SLC2A9: variants seen among roughly 807,000 people sequenced by gnomAD.
SLC2A9 encodes the protein solute carrier family 2 member 9.
SLC2A9 carries 39 observed loss-of-function variants against 50.6 expected under a neutral mutation model. The ratio of observed to expected loss-of-function variants is 0.77; its 90% confidence interval spans 0.60 to 1.01. The LOEUF (loss-of-function observed/expected upper bound fraction) is 1.01, where lower values mean the gene tolerates loss of function less well. Ranked by LOEUF, SLC2A9 falls within the 50% of genes least tolerant of loss-of-function variation. The pLI, the probability that SLC2A9 is intolerant of heterozygous loss-of-function variation, is 0.00. For synonymous variants in SLC2A9, 324 were observed against 276.9 expected (o/e 1.17, Z -1.69); for missense variants, 686 against 677.6 (o/e 1.01, Z -0.14).
chr4:9,783,461 T>C (rs1197884286), intron 3 of SLC2A9: 1 of 1,598,486 alleles, frequency 6.3e-7, no homozygotes, highest in Non-Finnish European at 8.5e-7. Context: ...TGGATTCCAT[T>C]AAACTGCATT....
At chr4:9,982,131 T>G (rs1453701516) in intron 4 of SLC2A9, among the ~76,000 whole-genome samples, 3 of 152,204 alleles carry the variant, frequency 2.0e-5, no homozygotes, top group Admixed American at 2.0e-4. Context: ...CCGCCTGCCT[T>G]GGCCTCCCAA....
At chr4:9,979,381 G>C (rs1186772354) in intron 5 of SLC2A9, among the ~76,000 whole-genome samples, 4 of 152,136 alleles carry the variant, frequency 2.6e-5, no homozygotes, top group African/African-American at 9.7e-5. Flanking sequence ...CTGTTTGTCT[G>C]TTGTGCACTG....
intron 2 of SLC2A9, among the ~76,000 whole-genome samples, chr4:10,007,199 AC>A (rs1341544787): frequency 2.0e-5 from 3 of 152,152 alleles, no homozygotes; most frequent in Admixed American, 6.5e-5. Flanking sequence ...TGACCCCAGT[AC>A]ACCTCCCTTG....
chr4:10,014,026 G>A (rs1489694997), intron 2 of SLC2A9, among the ~76,000 whole-genome samples: 2 of 152,178 alleles, frequency 1.3e-5, no homozygotes, highest in Non-Finnish European at 2.9e-5. Context: ...TCTGTTCCAA[G>A]GGTTTCTTTC....
At chr4:10,014,325 G>A (rs1166441311) in intron 2 of SLC2A9, among the ~76,000 whole-genome samples, 3 of 152,212 alleles carry the variant, frequency 2.0e-5, no homozygotes, top group Non-Finnish European at 2.9e-5. Context: ...CTTTACAGAG[G>A]CACCTACATG....
At chr4:9,831,482 T>C (rs1417989663) in intron 11 of SLC2A9, among the ~76,000 whole-genome samples, 1 of 152,188 alleles carries the variant, frequency 6.6e-6, no homozygotes, top group Non-Finnish European at 1.5e-5. Context: ...GGTGTATAAC[T>C]CTACTTGTTA....
Position 9,996,869 on chromosome 4 carries a change from A to G in SLC2A9, c.322T>C (p.Leu108=), listed in dbSNP as rs13113918. 0.79 allele frequency: 1,280,554 copies of G among 1,613,808 alleles called. 509,519 individuals carry two copies. The highest frequency in any genetic ancestry group is 0.98 in the East Asian group (44,160 of 44,866). ...GRPIDPDTLT[L]LWSVTVSIFA... The stretch of plus-strand genomic sequence containing the variant: ...ATGGACACAGTCACAGACCAGAGCA[A>G]AGTCAGAGTGTCTGGGTCTATTGGA... The change falls in exon 3 of 12, where the codon TTG becomes CTG. Residue 108 remains leucine, a synonymous_variant. Transcript: ENST00000264784.
chr4:9,923,445 G>A (rs1744301188), intron 6 of SLC2A9, among the ~76,000 whole-genome samples: 1 of 152,170 alleles, frequency 6.6e-6, no homozygotes, highest in Non-Finnish European at 1.5e-5. Context: ...GGGCTCTTGG[G>A]CATGGCTCCA....
chr4:9,865,825 C>T (rs1349437248), intron 10 of SLC2A9, among the ~76,000 whole-genome samples: 1 of 152,218 alleles, frequency 6.6e-6, no homozygotes, highest in Non-Finnish European at 1.5e-5. Flanking sequence ...TGAAGATTTG[C>T]CACAATTGGA....
chr4:9,925,791 G>A (rs1007052561), intron 6 of SLC2A9, among the ~76,000 whole-genome samples: 1 of 152,184 alleles, frequency 6.6e-6, no homozygotes, highest in Non-Finnish European at 1.5e-5. Context: ...CACAGAAGCG[G>A]GGGAGGGCTG....
chr4:9,916,880 C>T (rs1182864225), intron 7 of SLC2A9, among the ~76,000 whole-genome samples: 1 of 152,216 alleles, frequency 6.6e-6, no homozygotes, highest in Non-Finnish European at 1.5e-5. Flanking sequence ...CTCCTTTTCT[C>T]CCCCAGACAC....
intron 10 of SLC2A9, among the ~76,000 whole-genome samples, chr4:9,872,012 T>C (rs1438265471): frequency 6.6e-6 from 1 of 152,104 alleles, no homozygotes; most frequent in Non-Finnish European, 1.5e-5. Flanking sequence ...TATGTGGAAA[T>C]GCTGTCCCTA....
At chr4:9,948,115 A>ACAC (rs1219098470) in intron 5 of SLC2A9, among the ~76,000 whole-genome samples, 2 of 151,332 alleles carry the variant, frequency 1.3e-5, no homozygotes, top group African/African-American at 4.9e-5. Flanking sequence ...TTCTTTCTAA[A>ACAC]CACCACCCCC....
intron 5 of SLC2A9, among the ~76,000 whole-genome samples, chr4:9,956,982 A>C (rs1751422285): frequency 6.6e-6 from 1 of 152,130 alleles, no homozygotes; most frequent in Admixed American, 6.6e-5. Context: ...GGGGCACTGA[A>C]GGGAAGTGAA....
At chr4:9,837,027 C>A (rs957337793) in intron 10 of SLC2A9, among the ~76,000 whole-genome samples, 1 of 152,178 alleles carries the variant, frequency 6.6e-6, no homozygotes, top group Non-Finnish European at 1.5e-5. Flanking sequence ...ACCGTTATCA[C>A]CCCACTATGA....
At position 9,816,734 on chromosome 4, in the gene SLC2A9, A is replaced by G. The variant is rs192396265; in HGVS notation, n.420+9686T>C. Among the ~76,000 whole-genome samples, 84 of 152,278 alleles carry G rather than the reference A, an allele frequency of 5.5e-4. 1 individual carries two copies. The highest frequency in any genetic ancestry group is 1.0e-3 in the Non-Finnish European group (68 of 68,020). ...GACTCAGTTGATTATACTTCAATGT[A>G]GCTGAAAAAATGGAAATCTGGGTGA... is the stretch of plus-strand genomic sequence containing the variant. On this transcript the variant is annotated intron_variant and non_coding_transcript_variant, in intron 3 of 3. Transcript: ENST00000503280.
chr4:9,790,390 C>G (rs1259404721), intron 3 of SLC2A9, among the ~76,000 whole-genome samples: 1 of 152,148 alleles, frequency 6.6e-6, no homozygotes, highest in Non-Finnish European at 1.5e-5. Flanking sequence ...GGAGGGGGCT[C>G]TATTTTTCTA....
intron 5 of SLC2A9, among the ~76,000 whole-genome samples, chr4:9,979,836 C>A (rs574096936): frequency 5.3e-5 from 8 of 152,256 alleles, no homozygotes; most frequent in African/African-American, 1.9e-4. Context: ...AGCCCCACAG[C>A]CATCTGAGTT....
chr4:9,911,990 G>A (rs1741907703), intron 7 of SLC2A9, among the ~76,000 whole-genome samples: 2 of 152,258 alleles, frequency 1.3e-5, no homozygotes, highest in South Asian at 4.2e-4. Flanking sequence ...GTCCTTTGTA[G>A]GGACATGGAT....
Sources: gnomAD v4.1 joint callset for allele counts (sites outside exome capture counted in the v4.1 genomes callset) on GRCh38, gnomAD v4.1.1 for gene constraint, MANE v1.5 for transcripts, NCBI Gene and HGNC (gene_info 2026-07-23, HGNC 2026-07-21) for gene names.